Variants in DIAPH3 observed in about 807,000 individuals in gnomAD.
DIAPH3 encodes the protein protein diaphanous homolog 3.
A neutral mutation model predicts 144.3 loss-of-function variants in DIAPH3; 117 were observed. The observed-to-expected ratio is 0.81, with a 90% CI of 0.70 to 0.95. DIAPH3 has a LOEUF of 0.95. Among genes scored for constraint, DIAPH3 ranks in the 40% least tolerant of loss-of-function variants. The pLI, the probability that DIAPH3 is intolerant of heterozygous loss-of-function variation, is 0.00. For synonymous variants in DIAPH3, 519 were observed against 488.9 expected, an observed-to-expected ratio of 1.06 and a Z score of -0.81; for missense variants, 1,421 against 1,412.7, an observed-to-expected ratio of 1.01 and a Z score of -0.09.
rs949120142 is a variant in DIAPH3 at position 59,982,891 on chromosome 13, A to C, written c.1480+878T>G. 1.3e-5 allele frequency among the ~76,000 whole-genome samples: 2 copies of C among 151,612 alleles called. 1 individual carries two copies. Among genetic ancestry groups the C allele is most frequent in the South Asian group, 4.1e-4 (2 of 4,830 alleles). ...TCACAATGAATAATCAGATAGGTTA[A>C]TAACACCAGTGACATCAGGAAATAA... On this transcript the variant is annotated intron_variant, in intron 13 of 27. Coordinates refer to ENST00000400324, the MANE Select transcript of DIAPH3 (RefSeq NM_001042517.2).
chr13:59,780,867 T>TG (rs2038699127), intron 25 of DIAPH3, among the ~76,000 whole-genome samples: 2 of 152,240 alleles, frequency 1.3e-5, no homozygotes. Context: ...CAGTAACTTC[T>TG]GGAAGACAGC....
At chr13:60,012,661 C>T (rs1158091388) in intron 7 of DIAPH3, 1 of 152,528 alleles carries the variant, frequency 6.6e-6, no homozygotes, top group Non-Finnish European at 1.5e-5. Context: ...TTAGCTAACA[C>T]CTGCCCTTCT....
chr13:59,914,958 T>C (rs2047158848), intron 19 of DIAPH3, among the ~76,000 whole-genome samples: 1 of 152,198 alleles, frequency 6.6e-6, no homozygotes, highest in Non-Finnish European at 1.5e-5. Context: ...TATATGGAGC[T>C]GAATGTACTT....
chr13:59,842,916 C>T (rs901370415), intron 22 of DIAPH3, among the ~76,000 whole-genome samples: 12 of 152,130 alleles, frequency 7.9e-5, no homozygotes, highest in African/African-American at 2.9e-4. Flanking sequence ...CAGAAGCTCC[C>T]CCAACCTCTT....
chr13:59,722,187 AAAT>A (rs1269167571), intron 27 of DIAPH3, among the ~76,000 whole-genome samples: 3 of 152,210 alleles, frequency 2.0e-5, no homozygotes, highest in Non-Finnish European at 4.4e-5. Flanking sequence ...TCATAGAAGG[AAAT>A]AATAATGATT....
chr13:60,091,841 T>TTAG (rs1427889421), intron 4 of DIAPH3, among the ~76,000 whole-genome samples: 7 of 151,986 alleles, frequency 4.6e-5, no homozygotes, highest in African/African-American at 1.7e-4. Context: ...AATTTTGTTT[T>TTAG]TATTATTATT....
intron 2 of DIAPH3, among the ~76,000 whole-genome samples, chr13:60,116,692 C>T (rs944777146): frequency 4.0e-5 from 6 of 151,706 alleles, no homozygotes; most frequent in African/African-American, 1.2e-4. Flanking sequence ...TAAATGTAAA[C>T]ATGTCAATAA....
At chr13:60,149,447 T>A (rs886804251) in intron 1 of DIAPH3, among the ~76,000 whole-genome samples, 2 of 152,164 alleles carry the variant, frequency 1.3e-5, no homozygotes, top group East Asian at 3.8e-4. Flanking sequence ...ACACACAGAA[T>A]ATCATTGGAA....
intron 27 of DIAPH3, among the ~76,000 whole-genome samples, chr13:59,734,343 C>A (rs978517826): frequency 2.0e-5 from 3 of 152,024 alleles, no homozygotes; most frequent in African/African-American, 7.3e-5. Context: ...TGGGTCTAAT[C>A]CAACAAAAAC....
At chr13:60,041,127 GGACAAATATATTTTTAAATGAACA>G in intron 5 of DIAPH3, among the ~76,000 whole-genome samples, 1 of 33,272 alleles carries the variant, frequency 3.0e-5, no homozygotes, top group African/African-American at 1.4e-4. Context: ...AAATGAACCT[GGACAAATATATTTTTAAATGAACA>G]TATTCTACAG....
rs199931992 is a variant in DIAPH3, at chr13:59,833,206, C to T, written c.2928G>A (p.Lys976=). The T allele has an allele frequency of 1.2e-6, 2 of 1,610,020 alleles. No homozygotes were observed. Among genetic ancestry groups the T allele is most frequent in the African/African-American group, 2.7e-5 (2 of 74,858 alleles). The part of the protein sequence containing the change: ...TLSKLHENME[K]LYQSIIGYYA... ...AGTATCCTATTATACTCTGGTATAA[C>T]TTTTCCATGTTTTCGTGTAACTTCG... is the stretch of plus-strand genomic sequence containing the variant. Residue 976 remains lysine (K), a synonymous_variant, in exon 24 of 28, where the codon AAG becomes AAA. Transcript: ENST00000400324.
At chr13:59,974,626 C>A (rs1356383016) in intron 14 of DIAPH3, among the ~76,000 whole-genome samples, 170 bp from the exon 15 acceptor site, 2 of 151,852 alleles carry the variant, frequency 1.3e-5, no homozygotes, top group Non-Finnish European at 2.9e-5. Flanking sequence ...TTTCTCTAGG[C>A]CCCTCCAGGT....
chr13:59,805,328 G>C (rs1381799028), intron 25 of DIAPH3, among the ~76,000 whole-genome samples: 3 of 151,988 alleles, frequency 2.0e-5, no homozygotes, highest in Non-Finnish European at 4.4e-5. Context: ...TGCCCTATTT[G>C]TGTCCATGAT....
At chr13:60,022,695 G>T (rs561063445) in intron 5 of DIAPH3, among the ~76,000 whole-genome samples, 1 of 152,168 alleles carries the variant, frequency 6.6e-6, no homozygotes, top group African/African-American at 2.4e-5. Context: ...ACTCCTTTAT[G>T]ACCTCATCTT....
At chr13:59,889,171 T>C (rs1386640333) in intron 20 of DIAPH3, among the ~76,000 whole-genome samples, 1 of 152,090 alleles carries the variant, frequency 6.6e-6, no homozygotes, top group African/African-American at 2.4e-5. Context: ...TGAGACTTTT[T>C]TGTCCATTAT....
chr13:59,778,936 T>TC (rs2038575495), intron 25 of DIAPH3, among the ~76,000 whole-genome samples: 1 of 152,230 alleles, frequency 6.6e-6, no homozygotes. Flanking sequence ...TTTTTAATTT[T>TC]CTTTTTTTTG....
At chr13:60,130,867 G>A (rs1003494941) in intron 2 of DIAPH3, among the ~76,000 whole-genome samples, 5 of 152,066 alleles carry the variant, frequency 3.3e-5, no homozygotes, top group Non-Finnish European at 7.4e-5. Context: ...GTGAGGAATG[G>A]GGGAAGGTCA....
intron 27 of DIAPH3, among the ~76,000 whole-genome samples, chr13:59,737,336 G>T (rs1247208537): frequency 6.6e-6 from 1 of 152,126 alleles, no homozygotes; most frequent in Non-Finnish European, 1.5e-5. Context: ...AGTGGGCAAA[G>T]GATATGAACA....
At chr13:59,770,498 G>T (rs1031377099) in intron 27 of DIAPH3, among the ~76,000 whole-genome samples, 3 of 152,000 alleles carry the variant, frequency 2.0e-5, no homozygotes, top group Admixed American at 6.6e-5. Context: ...TTATAAAATG[G>T]GAAGACTAGG....
Sources: gnomAD v4.1 joint callset for allele counts (sites outside exome capture counted in the v4.1 genomes callset) on GRCh38, gnomAD v4.1.1 for gene constraint, MANE v1.5 for transcripts, NCBI Gene and HGNC (gene_info 2026-07-23, HGNC 2026-07-21) for gene names.